MACROD2: variants seen among roughly 807,000 people sequenced by gnomAD.
MACROD2 encodes the protein ADP-ribose glycohydrolase MACROD2.
Under a neutral mutation model 70.4 loss-of-function variants are expected in MACROD2, and 36 were observed. That is an observed-to-expected ratio of 0.51 (90% confidence interval 0.39 to 0.68). MACROD2 has a LOEUF of 0.68. Ranked by LOEUF, MACROD2 falls within the 30% of genes least tolerant of loss-of-function variation. The pLI is 0.00. For synonymous variants in MACROD2, 172 were observed against 178.8 expected (o/e 0.96, Z 0.30); for missense variants, 496 against 538.4 (o/e 0.92, Z 0.78).
At chr20:15,335,283 T>A (rs1197809211) in intron 6 of MACROD2, among the ~76,000 whole-genome samples, 1 of 151,840 alleles carries the variant, frequency 6.6e-6, no homozygotes, top group Admixed American at 6.6e-5. Context: ...GGTTGAGTTC[T>A]TCAAACACTT....
At chr20:14,468,098 T>G (rs895514582) in intron 3 of MACROD2, among the ~76,000 whole-genome samples, 9 of 152,082 alleles carry the variant, frequency 5.9e-5, no homozygotes, top group Non-Finnish European at 1.3e-4. Context: ...AGATTTGGGG[T>G]GGAGAGTTCT....
At chr20:15,998,887 G>A (rs1023765727) in intron 15 of MACROD2, among the ~76,000 whole-genome samples, 3 of 151,906 alleles carry the variant, frequency 2.0e-5, no homozygotes, top group African/African-American at 7.3e-5. Context: ...TCTTTAGTCA[G>A]CTAAAAGTTT....
intron 8 of MACROD2, among the ~76,000 whole-genome samples, chr20:15,573,168 T>C (rs1488944812): frequency 2.0e-5 from 3 of 152,142 alleles, no homozygotes; most frequent in Admixed American, 6.6e-5. Flanking sequence ...ATGTTATATT[T>C]CACTAAGCCA....
intron 3 of MACROD2, among the ~76,000 whole-genome samples, chr20:14,158,255 A>G (rs960244592): frequency 6.6e-6 from 1 of 151,978 alleles, no homozygotes; most frequent in African/African-American, 2.4e-5. Context: ...CAGATCCTTT[A>G]TCCACTTTTT....
intron 3 of MACROD2, among the ~76,000 whole-genome samples, chr20:14,173,720 T>C (rs1399139621): frequency 6.6e-6 from 1 of 152,148 alleles, no homozygotes; most frequent in Non-Finnish European, 1.5e-5. Context: ...AGAATTGTTT[T>C]TCTAGTTCCT....
intron 4 of MACROD2, among the ~76,000 whole-genome samples, chr20:14,532,623 G>A (rs1485721982): frequency 2.6e-5 from 4 of 152,144 alleles, no homozygotes; most frequent in African/African-American, 9.7e-5. Context: ...GTTTGAGCAG[G>A]TTAGTTTTCA....
intron 5 of MACROD2, among the ~76,000 whole-genome samples, chr20:15,218,293 T>A (rs557210389): frequency 6.6e-6 from 1 of 152,318 alleles, no homozygotes; most frequent in African/African-American, 2.4e-5. Context: ...TTTTACACTT[T>A]GTTTTCTCTT....
chr20:15,595,792 G>T (rs116423238), intron 8 of MACROD2, among the ~76,000 whole-genome samples: 1,959 of 152,292 alleles, frequency 0.013, 41 homozygotes, highest in African/African-American at 0.045. Flanking sequence ...TATCTGTGAT[G>T]TGTGTAAATG....
At chr20:14,977,500 C>CACACACAA (rs895079209) in intron 5 of MACROD2, among the ~76,000 whole-genome samples, 1 of 147,754 alleles carries the variant, frequency 6.8e-6, no homozygotes, top group African/African-American at 2.6e-5. Context: ...CACACACACA[C>CACACACAA]AATTAGGGTT....
chr20:14,494,643 A>G (rs1445989852), intron 4 of MACROD2, among the ~76,000 whole-genome samples: 3 of 152,200 alleles, frequency 2.0e-5, no homozygotes, highest in African/African-American at 7.2e-5. Context: ...AATATTAACT[A>G]TCTAAAGTGT....
chr20:15,271,963 C>T (rs1310974084), intron 6 of MACROD2, among the ~76,000 whole-genome samples: 7 of 152,224 alleles, frequency 4.6e-5, no homozygotes, highest in Non-Finnish European at 1.5e-5. Context: ...ACTTCACCCA[C>T]TCCTAACATT....
intron 4 of MACROD2, among the ~76,000 whole-genome samples, chr20:14,567,793 A>G (rs563786906): frequency 1.3e-5 from 2 of 152,204 alleles, no homozygotes; most frequent in Admixed American, 6.6e-5. Context: ...TTCATTCCAG[A>G]TATTATATCT....
At chr20:15,285,894 T>G (rs1032287423) in intron 6 of MACROD2, among the ~76,000 whole-genome samples, 1 of 148,236 alleles carries the variant, frequency 6.7e-6, no homozygotes, top group African/African-American at 2.5e-5. Flanking sequence ...TTTGGGGGGG[T>G]TGCATTTATT....
chr20:15,519,469 T>A (rs1022680590), intron 8 of MACROD2, among the ~76,000 whole-genome samples: 1 of 152,210 alleles, frequency 6.6e-6, no homozygotes, highest in Non-Finnish European at 1.5e-5. Flanking sequence ...GCAGATAGTC[T>A]TGTTTGAAAT....
intron 14 of MACROD2, 101 bp downstream of exon 14, chr20:15,986,902 T>C (rs1279922270): frequency 9.6e-7 from 1 of 1,036,762 alleles, no homozygotes; most frequent in Non-Finnish European, 1.5e-6. Flanking sequence ...GTGTGTGTTT[T>C]AGGCAATGAT....
intron 4 of MACROD2, among the ~76,000 whole-genome samples, chr20:14,577,423 TATA>T (rs1323752682): frequency 1.3e-5 from 2 of 152,320 alleles, no homozygotes; most frequent in African/African-American, 4.8e-5. Context: ...TAAAAGGGAT[TATA>T]ATAACTTTTC....
At chr20:14,488,645 C>G (rs1365098850) in intron 3 of MACROD2, among the ~76,000 whole-genome samples, 1 of 152,128 alleles carries the variant, frequency 6.6e-6, no homozygotes, top group African/African-American at 2.4e-5. Context: ...GAGGAAGTTA[C>G]TATTAAACAT....
At chr20:15,210,970 T>G (rs1357531668) in intron 5 of MACROD2, among the ~76,000 whole-genome samples, 1 of 152,182 alleles carries the variant, frequency 6.6e-6, no homozygotes, top group Non-Finnish European at 1.5e-5. Context: ...CTAATACAGC[T>G]TTTTTCAAAC....
intron 5 of MACROD2, among the ~76,000 whole-genome samples, chr20:14,855,750 C>A (rs416027): frequency 0.57 from 86,220 of 151,242 alleles, 25,889 homozygotes; most frequent in Non-Finnish European, 0.67. Context: ...TAGCATGAAA[C>A]GAGACTAAAT....
Sources: allele counts gnomAD v4.1 joint callset (sites outside exome capture counted in the v4.1 genomes callset), GRCh38; gene constraint gnomAD v4.1.1; transcripts MANE v1.5; gene names NCBI Gene and HGNC (gene_info 2026-07-23, HGNC 2026-07-21).